TGM3: variants seen among roughly 807,000 people sequenced by gnomAD.
TGM3 encodes the protein protein-glutamine gamma-glutamyltransferase E.
In TGM3, 52 loss-of-function variants were observed where a neutral mutation model predicts 73.8. The ratio of observed to expected loss-of-function variants is 0.70; its 90% CI spans 0.56 to 0.89. The LOEUF (loss-of-function observed/expected upper bound fraction) is 0.89. Ranked by LOEUF, TGM3 falls within the 40% of genes least tolerant of loss-of-function variation. TGM3 has a pLI of 0.00. For missense variants in TGM3, 928 were observed against 909.9 expected, an observed-to-expected ratio of 1.02 and a Z score of -0.26; for synonymous variants, 372 against 354.9, an observed-to-expected ratio of 1.05 and a Z score of -0.54.
At chr20:2,305,723 G>A (rs1158254883) in intron 1 of TGM3, among the ~76,000 whole-genome samples, 11 of 152,194 alleles carry the variant, frequency 7.2e-5, no homozygotes, top group Non-Finnish European at 1.3e-4. Flanking sequence ...AGGCAGAGAT[G>A]ATGAGTGCAA....
chr20:2,311,783 G>C (rs557572191), intron 4 of TGM3, among the ~76,000 whole-genome samples: 7 of 152,230 alleles, frequency 4.6e-5, no homozygotes, highest in Non-Finnish European at 1.0e-4. Context: ...AAAAAGAGAA[G>C]GATAGGACAT....
At chr20:2,306,511 C>G (rs2084177563) in intron 1 of TGM3, among the ~76,000 whole-genome samples, 1 of 141,974 alleles carries the variant, frequency 7.0e-6, no homozygotes, top group Admixed American at 7.3e-5. Flanking sequence ...GAATCTCGCT[C>G]TGTTACCCAG....
chr20:2,332,291 G>A lies in TGM3; in HGVS notation c.1623G>A (p.Met541Ile). 1.2e-6 allele frequency: 2 copies of A among 1,602,590 alleles called. No homozygotes were observed. Reference protein sequence around the residue: ...VHEVWKDSATMSLDPEEEAEH... With the variant: ...VHEVWKDSATISLDPEEEAEH... ...AAGTGTGGAAGGACTCTGCCACAAT[G>A]TCCCTGGACCCTGAGGAAGGTAACG... The change falls in exon 10 of 13, where the codon ATG becomes ATA. Residue 541 changes from methionine to isoleucine, a missense_variant. Transcript: ENST00000381458. The surrounding 1 kb of genome is among the most constrained non-coding windows in gnomAD (Gnocchi z 4.4).
chr20:2,311,551 T>C (rs962012854), intron 4 of TGM3, among the ~76,000 whole-genome samples: 2 of 152,160 alleles, frequency 1.3e-5, no homozygotes, highest in African/African-American at 4.8e-5. Flanking sequence ...GCCACACCCT[T>C]TTGTTCCTTT....
rs150704650 is a variant in TGM3, at chr20:2,328,319, C to T, written c.1287C>T (p.Gly429=). 419 of 1,614,142 alleles carry T rather than the reference C, an allele frequency of 2.6e-4. No homozygotes were observed. Among genetic ancestry groups the T allele is most frequent in the Non-Finnish European group, 3.4e-4 (407 of 1,180,044 alleles). ...IGRYISTKAV[G]SNARMDVTDK... is the part of the protein sequence containing the mutation. The stretch of plus-strand genomic sequence containing the variant: ...GGTACATCAGCACCAAGGCGGTGGG[C>T]AGCAATGCTCGCATGGACGTCACGG... Residue 429 remains glycine (G), a synonymous_variant, in exon 9 of 13, where the codon GGC becomes GGT. Coordinates refer to ENST00000381458, the MANE Select transcript of TGM3 (RefSeq NM_003245.4). This position sits in a 1 kb window ranked among gnomAD's most constrained non-coding sequence, Gnocchi z 5.2.
intron 1 of TGM3, among the ~76,000 whole-genome samples, chr20:2,300,068 C>CT: frequency 6.8e-6 from 1 of 147,058 alleles, no homozygotes; most frequent in Non-Finnish European, 1.5e-5. Context: ...GATCACACCA[C>CT]TACACTCCAG....
intron 11 of TGM3, among the ~76,000 whole-genome samples, chr20:2,335,790 C>A (rs2084347263): frequency 6.6e-6 from 1 of 152,180 alleles, no homozygotes; most frequent in African/African-American, 2.4e-5. Context: ...CCCACAGCAT[C>A]TCTCCCCTGT....
chr20:2,317,928 T>TATATATATATATC (rs1307600880), intron 7 of TGM3, among the ~76,000 whole-genome samples: 1 of 142,188 alleles, frequency 7.0e-6, no homozygotes, highest in African/African-American at 2.7e-5. Context: ...TTAGCATATA[T>TATATATATATATC]ATATATATAT....
intron 7 of TGM3, among the ~76,000 whole-genome samples, chr20:2,321,766 G>A (rs1294116300): frequency 6.6e-6 from 1 of 152,160 alleles, no homozygotes; most frequent in East Asian, 1.9e-4. Context: ...CACACAACCA[G>A]AAACCCACAC....
intron 5 of TGM3, among the ~76,000 whole-genome samples, chr20:2,313,733 A>AAT (rs1301378464): frequency 6.6e-6 from 1 of 152,170 alleles, no homozygotes; most frequent in Non-Finnish European, 1.5e-5. Context: ...TTGTGTAGAG[A>AAT]ATATCTCCAA....
chr20:2,311,589 A>G lies in TGM3; in HGVS notation c.540+460A>G, dbSNP rs45568244. Among the ~76,000 whole-genome samples the G allele has an allele frequency of 4.1e-3, 621 of 152,300 alleles. 5 individuals are homozygous for G. Among genetic ancestry groups the G allele is most frequent in the African/African-American group, 0.014 (598 of 41,562 alleles). ...TACAGCAATCCCCATTTGAGTCTAC[A>G]GAGTTCTCAGATTTGGTCAGTTTAG... On this transcript the variant is annotated intron_variant, in intron 4 of 12. Coordinates refer to ENST00000381458, the MANE Select transcript of TGM3 (RefSeq NM_003245.4).
At chr20:2,339,730 T>A in intron 11 of TGM3, 124 bp from the exon 12 acceptor site, 3 of 1,343,624 alleles carry the variant, frequency 2.2e-6, no homozygotes, top group Non-Finnish European at 3.1e-6. Context: ...GGCTAAATGG[T>A]CTCCCCTTCT....
chr20:2,325,741 C>T, intron 7 of TGM3, 108 bp from the exon 8 acceptor site: 1 of 795,210 alleles, frequency 1.3e-6, no homozygotes, highest in Non-Finnish European at 2.1e-6. Flanking sequence ...GGCAAACTCA[C>T]TCGATGCATG....
At chr20:2,335,047 C>G in intron 10 of TGM3, 69 bp from the exon 11 acceptor site, 2 of 1,579,904 alleles carry the variant, frequency 1.3e-6, no homozygotes, top group Non-Finnish European at 1.7e-6. Flanking sequence ...GGCTTGGCAT[C>G]TGTTCTGAGG....
intron 8 of TGM3, among the ~76,000 whole-genome samples, chr20:2,327,466 G>C (rs1034268071): frequency 6.6e-6 from 1 of 152,156 alleles, no homozygotes; most frequent in Non-Finnish European, 1.5e-5. Context: ...GACAGAGCAC[G>C]ACTGCATCTC....
intron 1 of TGM3, among the ~76,000 whole-genome samples, chr20:2,304,938 G>A (rs1236672703): frequency 1.3e-5 from 2 of 152,152 alleles, no homozygotes; most frequent in African/African-American, 4.8e-5. Context: ...TGCTAGAACA[G>A]CTCACAGGAC....
chr20:2,310,946 G>A (rs1412303910), intron 3 of TGM3, 65 bp from the exon 4 acceptor site: 26 of 1,437,168 alleles, frequency 1.8e-5, no homozygotes, highest in Non-Finnish European at 2.5e-5. Context: ...GGGAGGAGAG[G>A]AGGAACGATC....
Position 2,335,231 on chromosome 20 carries a change from G to A in TGM3, c.1758G>A (p.Val586=). Residue 586 remains valine (V), a synonymous_variant, in exon 11 of 13, where the codon GTG becomes GTA. Transcript: ENST00000381458. ...CKVPDESEVV[V]ERDIILDNPT... ...TCCCAGATGAGTCTGAGGTGGTGGT[G>A]GAGCGGGACATCATCCTGGACAACC... 1 of 1,614,198 alleles carries A rather than the reference G, an allele frequency of 6.2e-7. No homozygotes were observed. The highest frequency in any genetic ancestry group is 8.5e-7 in the Non-Finnish European group (1 of 1,180,024).
chr20:2,322,018 G>A (rs1300600535), intron 7 of TGM3, among the ~76,000 whole-genome samples: 3 of 151,636 alleles, frequency 2.0e-5, no homozygotes, highest in Non-Finnish European at 4.4e-5. Context: ...GTGAAACTTG[G>A]TGTCCTTATT....
Sources: allele counts gnomAD v4.1 joint callset (sites outside exome capture counted in the v4.1 genomes callset), GRCh38; gene constraint gnomAD v4.1.1; non-coding constraint Gnocchi (gnomAD v3.1); transcripts MANE v1.5; gene names NCBI Gene and HGNC (gene_info 2026-07-23, HGNC 2026-07-21).